The following OR52N5 variants were observed in gnomAD, a reference collection of about 807,000 sequenced individuals.
The protein encoded by OR52N5 is olfactory receptor 52N5.
A neutral mutation model predicts 14.1 loss-of-function variants in OR52N5; 10 were observed. The ratio of observed to expected loss-of-function variants is 0.71; its 90% CI spans 0.44 to 1.20. OR52N5 has a LOEUF of 1.20. Among genes scored for constraint, OR52N5 ranks in the 50% most tolerant of loss-of-function variants. The pLI, the probability that OR52N5 is intolerant of heterozygous loss-of-function variation, is 0.00. For missense variants in OR52N5, 361 were observed against 403.2 expected (o/e 0.90, Z 0.90); for synonymous variants, 116 against 143.0 (o/e 0.81, Z 1.35).
rs1434726104 is a variant in OR52N5 at position 5,777,993 on chromosome 11, C to T, written c.642G>A (p.Leu214=). 5.9e-6 allele frequency: 9 copies of T among 1,519,784 alleles called. 2 individuals are homozygous for T. The Admixed American group carries it at 1.6e-4, about 27-fold the overall frequency. The allele number at this position is 1,519,784 out of a possible 1,614,324, so 94.1% of individuals were successfully genotyped here. ...TACAACAAATGTCAAACACTCCAAT[C>T]AGGAGAGCAACCATTAGACCATAGA... ...NVIYGLMVAL[L]IGVFDICCIS... Residue 214 remains leucine (L), a synonymous_variant, in exon 3 of 3, where the codon CTG becomes CTA. Coordinates refer to ENST00000641181, the MANE Select transcript of OR52N5 (RefSeq NM_001385662.1).
rs1024236235 is a variant in OR52N5, at chr11:5,781,008, C to A, written c.-24+525G>T. On this transcript the variant is annotated intron_variant, in intron 2 of 2. Coordinates refer to ENST00000641181, the MANE Select transcript of OR52N5 (RefSeq NM_001385662.1). Reference sequence around the variant, plus strand: ...TCCAGAGTCCAGAATGAGCTATTGCCGTTAAACACCCTGATTTAGATACAG... The same window carrying A: ...TCCAGAGTCCAGAATGAGCTATTGCAGTTAAACACCCTGATTTAGATACAG... Among the ~76,000 whole-genome samples the A allele has an allele frequency of 2.1e-5, 3 of 139,930 alleles. 1 individual carries two copies. Among genetic ancestry groups the A allele is most frequent in the African/African-American group, 7.8e-5 (3 of 38,266 alleles). The allele number at this position is 139,930 out of a possible 152,430, so 91.8% of individuals were successfully genotyped here. A position where few individuals can be genotyped will look rare whatever the true frequency, so the allele number is the denominator to read the frequency against.
Position 5,777,032 on chromosome 11 carries a change from C to A in OR52N5, c.*628G>T, listed in dbSNP as rs1437267101. On this transcript the variant is annotated 3_prime_UTR_variant, in exon 3 of 3. Transcript: ENST00000641181. ...AGGTTAATTAATAGGTACTAAAATACAGTTAAAAAGAATAAGACATAGTGT... is the reference window on the plus strand; with the variant it reads ...AGGTTAATTAATAGGTACTAAAATAAAGTTAAAAAGAATAAGACATAGTGT... 1 of 139,378 alleles carries A rather than the reference C, an allele frequency of 7.2e-6. No homozygotes were observed. Among genetic ancestry groups the A allele is most frequent in the African/African-American group, 2.6e-5 (1 of 38,096 alleles). 8.6% of individuals were successfully genotyped at this position (139,378 alleles called of 1,614,324 possible).
rs1048702243 is a variant in OR52N5 at position 5,782,110 on chromosome 11, A to C, written c.-247-354T>G. Among the ~76,000 whole-genome samples, 4 of 140,392 alleles carry C rather than the reference A, an allele frequency of 2.8e-5. 1 individual carries two copies. The highest frequency in any genetic ancestry group is 1.0e-4 in the African/African-American group (4 of 38,364). 92.1% of individuals were successfully genotyped at this position (140,392 alleles called of 152,430 possible). On this transcript the variant is annotated intron_variant, in intron 1 of 2. Transcript: ENST00000641181. The stretch of plus-strand genomic sequence containing the variant: ...CTAAAATGTTTTCCCAGAAATGTCA[A>C]ATCAACCTTTTAATGACACAAAATG...
chr11:5,779,024 C>G (rs967013498), intron 2 of OR52N5, among the ~76,000 whole-genome samples: 1 of 140,316 alleles, frequency 7.1e-6, no homozygotes, highest in African/African-American at 2.6e-5. Flanking sequence ...CCCGGCTTCA[C>G]AGAGGACATA....
chr11:5,777,772 T>C lies in OR52N5; in HGVS notation c.863A>G (p.Asn288Ser). The change falls in exon 3 of 3, where the codon AAT (asparagine) becomes AGT (serine). Residue 288 changes from asparagine (N) to serine (S), a missense_variant. Physicochemically the swap from Asn to Ser is conservative, Grantham distance 46. Coordinates refer to ENST00000641181, the MANE Select transcript of OR52N5 (RefSeq NM_001385662.1). ...AGTTGGGGGAAGAAGAAGATAAAGA[T>C]TAGCCACAATGATGTGAAGAGAAGG... ...IPPSLHIIVA[N>S]LYLLLPPTLN... 2 of 1,520,516 alleles carry C rather than the reference T, an allele frequency of 1.3e-6. 1 individual carries two copies. Among genetic ancestry groups the C allele is most frequent in the Non-Finnish European group, 1.8e-6 (2 of 1,114,356 alleles). 94.2% of individuals were successfully genotyped at this position (1,520,516 alleles called of 1,614,324 possible).
In OR52N5 at chr11:5,777,870, A is replaced by T; in HGVS notation, c.765T>A (p.Ser255=). The T allele has an allele frequency of 6.6e-7, 1 of 1,520,130 alleles. No homozygotes were observed. Among genetic ancestry groups the T allele is most frequent in the Non-Finnish European group, 9.0e-7 (1 of 1,113,674 alleles). The allele number at this position is 1,520,130 out of a possible 1,614,324, so 94.2% of individuals were successfully genotyped here. The change falls in exon 3 of 3, where the codon TCT becomes TCA. Residue 255 remains serine (S), a synonymous_variant. Coordinates refer to ENST00000641181, the MANE Select transcript of OR52N5 (RefSeq NM_001385662.1). ...KAFSTCTAHI[S]AIIITYVPAF... is the part of the protein sequence containing the mutation. ...CTGGAACATAGGTGATGATGATGGC[A>T]GATATATGGGCAGTGCAGGTGCTGA... is the stretch of plus-strand genomic sequence containing the variant.
rs1457783253 is a variant in OR52N5 at position 5,778,986 on chromosome 11, A to G, written c.-23-329T>C. Among the ~76,000 whole-genome samples, 2 of 140,384 alleles carry G rather than the reference A, an allele frequency of 1.4e-5. 1 individual carries two copies. The highest frequency in any genetic ancestry group is 1.5e-4 in the Admixed American group (2 of 13,674). The allele number at this position is 140,384 out of a possible 152,430, so 92.1% of individuals were successfully genotyped here. A position where few individuals can be genotyped will look rare whatever the true frequency, so the allele number is the denominator to read the frequency against. ...GAAACAGTATTCATATATGACTTCA[A>G]CATTCATGCAGTCTTTTTACTGTGC... On this transcript the variant is annotated intron_variant, in intron 2 of 2. Coordinates refer to ENST00000641181, the MANE Select transcript of OR52N5 (RefSeq NM_001385662.1).
In OR52N5 at chr11:5,777,710, T is replaced by A. The variant is rs897994510; in HGVS notation, c.925A>T (p.Ile309Leu). The A allele has an allele frequency of 1.3e-6, 2 of 1,507,840 alleles. No individual in the cohort carries two copies. The highest frequency in any genetic ancestry group is 2.4e-5 in the South Asian group (2 of 83,508). 93.4% of individuals were successfully genotyped at this position (1,507,840 alleles called of 1,614,324 possible). A position where few individuals can be genotyped will look rare whatever the true frequency, so the allele number is the denominator to read the frequency against. The change falls in exon 3 of 3, where the codon ATA becomes TTA. Residue 309 changes from isoleucine (I) to leucine (L), a missense_variant. Physicochemically the swap from Ile to Leu is conservative, Grantham distance 5. Coordinates refer to ENST00000641181, the MANE Select transcript of OR52N5 (RefSeq NM_001385662.1). ...AAGAACTTTATGACACTCTTGCGTA[T>A]CTGTTTTGTCTTTACTCCATAAACA... ...PIVYGVKTKQ[I>L]RKSVIKFFQG...
rs1854507246 is a variant in OR52N5, at chr11:5,777,760, A to G, written c.875T>C (p.Leu292Pro). The G allele has an allele frequency of 1.3e-6, 2 of 1,519,910 alleles. No homozygotes were observed. The highest frequency in any genetic ancestry group is 1.8e-5 in the Admixed American group (1 of 55,412). 94.2% of individuals were successfully genotyped at this position (1,519,910 alleles called of 1,614,324 possible). A position where few individuals can be genotyped will look rare whatever the true frequency, so the allele number is the denominator to read the frequency against. Residue 292 changes from leucine (L) to proline (P), a missense_variant, in exon 3 of 3, where the codon CTT becomes CCT. Physicochemically the swap from Leu to Pro is moderately conservative, Grantham distance 98. Transcript: ENST00000641181. ...LHIIVANLYL[L>P]LPPTLNPIVY... ...AATAGGGTTTAGAGTTGGGGGAAGAAGAAGATAAAGATTAGCCACAATGAT... is the reference window on the plus strand; with the variant it reads ...AATAGGGTTTAGAGTTGGGGGAAGAGGAAGATAAAGATTAGCCACAATGAT...
rs575042050 is a variant in OR52N5, at chr11:5,777,550, G to A, written c.*110C>T. On this transcript the variant is annotated 3_prime_UTR_variant, in exon 3 of 3. Coordinates refer to ENST00000641181, the MANE Select transcript of OR52N5 (RefSeq NM_001385662.1). The stretch of plus-strand genomic sequence containing the variant: ...AACAGTTTCAGAAAACATAGACTGA[G>A]AGAGAAAATGTATGATACTACACAT... 2 of 848,008 alleles carry A rather than the reference G, an allele frequency of 2.4e-6. No homozygotes were observed. Among genetic ancestry groups the A allele is most frequent in the East Asian group, 5.9e-5 (2 of 33,806 alleles). 52.5% of individuals were successfully genotyped at this position (848,008 alleles called of 1,614,324 possible). A position where few individuals can be genotyped will look rare whatever the true frequency, so the allele number is the denominator to read the frequency against.
In OR52N5 at chr11:5,778,253, C is replaced by G. The variant is rs1447334222; in HGVS notation, c.382G>C (p.Ala128Pro). The change falls in exon 3 of 3, where the codon GCT (alanine) becomes CCT (proline). Residue 128 changes from alanine to proline, a missense_variant. Ala to Pro is a conservative substitution (Grantham distance 27). Coordinates refer to ENST00000641181, the MANE Select transcript of OR52N5 (RefSeq NM_001385662.1). ...GVESGVLMLM[A>P]LDRYVAICYP... ...CAAATGGCTACATAGCGGTCTAGAGCCATGAGCATGAGCACCCCAGACTCC... is the reference window on the plus strand; with the variant it reads ...CAAATGGCTACATAGCGGTCTAGAGGCATGAGCATGAGCACCCCAGACTCC... 7 of 1,520,624 alleles carry G rather than the reference C, an allele frequency of 4.6e-6. 2 individuals carry two copies. The African/African-American group carries it at 1.0e-4, about 22-fold the overall frequency. 94.2% of individuals were successfully genotyped at this position (1,520,624 alleles called of 1,614,324 possible).
chr11:5,779,666 G>A (rs975021114), intron 2 of OR52N5, among the ~76,000 whole-genome samples: 1 of 139,162 alleles, frequency 7.2e-6, no homozygotes, highest in Non-Finnish European at 1.6e-5. Flanking sequence ...AATGCATGAC[G>A]ACTATTTTCA....
In OR52N5 at chr11:5,778,323, A is replaced by G. The variant is rs1406134715; in HGVS notation, c.312T>C (p.Asn104=). ...CAAAGAACATCTGGGCCAAGCAAGC[A>G]TTGAAGTTAATTTCTTTGAGACTGA... ...FWFSLKEINF[N]ACLAQMFFVH... The change falls in exon 3 of 3, where the codon AAT becomes AAC. Residue 104 remains asparagine, a synonymous_variant. Transcript: ENST00000641181. The G allele has an allele frequency of 7.9e-6, 12 of 1,520,504 alleles. 1 individual carries two copies. In the African/African-American group the frequency reaches 1.3e-4, roughly 16 times the overall value. The allele number at this position is 1,520,504 out of a possible 1,614,324, so 94.2% of individuals were successfully genotyped here. A position where few individuals can be genotyped will look rare whatever the true frequency, so the allele number is the denominator to read the frequency against.
intron 1 of OR52N5, among the ~76,000 whole-genome samples, chr11:5,782,644 T>C (rs764412031): frequency 7.2e-6 from 1 of 139,850 alleles, no homozygotes; most frequent in African/African-American, 2.6e-5. Flanking sequence ...TCTTCCTCCT[T>C]GCTACCTTCA....
rs757668960 is a variant in OR52N5, at chr11:5,781,295, C to T, written c.-24+238G>A. Among the ~76,000 whole-genome samples, 2 of 140,092 alleles carry T rather than the reference C, an allele frequency of 1.4e-5. 1 individual carries two copies. Among genetic ancestry groups the T allele is most frequent in the Non-Finnish European group, 3.2e-5 (2 of 63,378 alleles). 91.9% of individuals were successfully genotyped at this position (140,092 alleles called of 152,430 possible). A position where few individuals can be genotyped will look rare whatever the true frequency, so the allele number is the denominator to read the frequency against. On this transcript the variant is annotated intron_variant, in intron 2 of 2. Transcript: ENST00000641181. ...TAGCATGTGACCTCTAATGCTCCTG[C>T]TTCTTAAAATTTCTTCCTTGTCCAG...
chr11:5,779,900 T>A (rs529257921), intron 2 of OR52N5, among the ~76,000 whole-genome samples: 1 of 139,484 alleles, frequency 7.2e-6, no homozygotes, highest in South Asian at 2.4e-4. Flanking sequence ...TCCAAATTGT[T>A]ACTCCACCCA....
In OR52N5 at chr11:5,778,308, C is replaced by G. The variant is rs757218988; in HGVS notation, c.327G>C (p.Gln109His). The G allele has an allele frequency of 1.1e-5, 17 of 1,520,786 alleles. 4 individuals carry two copies. In the Admixed American group the frequency reaches 2.9e-4, roughly 26 times the overall value. 94.2% of individuals were successfully genotyped at this position (1,520,786 alleles called of 1,614,324 possible). ...CTGTGAACCCATGAACAAAGAACAT[C>G]TGGGCCAAGCAAGCATTGAAGTTAA... The part of the protein sequence containing the change: ...KEINFNACLA[Q>H]MFFVHGFTGV... The change falls in exon 3 of 3, where the codon CAG becomes CAC. Residue 109 changes from glutamine to histidine, a missense_variant. Physicochemically the swap from Gln to His is conservative, Grantham distance 24. Transcript: ENST00000641181.
In OR52N5 at chr11:5,776,393, T is replaced by C. The variant is rs1054611550; in HGVS notation, c.*1267A>G. The C allele has an allele frequency of 7.1e-6, 1 of 140,370 alleles. No individual in the cohort carries two copies. Among genetic ancestry groups the C allele is most frequent in the Non-Finnish European group, 1.6e-5 (1 of 63,386 alleles). 8.7% of individuals were successfully genotyped at this position (140,370 alleles called of 1,614,324 possible). On this transcript the variant is annotated 3_prime_UTR_variant, in exon 3 of 3. Coordinates refer to ENST00000641181, the MANE Select transcript of OR52N5 (RefSeq NM_001385662.1). ...ACCAACTAGCTCCTGCACTGACTTC[T>C]GGTGTACGCAAGCCTTGAGGTAAAT...
intron 2 of OR52N5, among the ~76,000 whole-genome samples, chr11:5,779,590 C>T (rs1388400890): frequency 7.1e-6 from 1 of 139,886 alleles, no homozygotes; most frequent in African/African-American, 2.6e-5. Flanking sequence ...GTATAACCAA[C>T]ATGAAGATAA....
Sources: gnomAD v4.1 joint callset for allele counts (sites outside exome capture counted in the v4.1 genomes callset) on GRCh38, gnomAD v4.1.1 for gene constraint, MANE v1.5 for transcripts, NCBI Gene and HGNC (gene_info 2026-07-23, HGNC 2026-07-21) for gene names.